IL1RAPL2: variants seen among roughly 807,000 people sequenced by gnomAD.
IL1RAPL2 encodes the protein X-linked interleukin-1 receptor accessory protein-like 2.
In IL1RAPL2, 3 loss-of-function variants were observed where a neutral mutation model predicts 44.1. That is an observed-to-expected ratio of 0.07 (90% CI 0.03 to 0.18). The LOEUF is 0.18. Ranked by LOEUF, IL1RAPL2 falls within the 10% of genes least tolerant of loss-of-function variation. The probability of loss-of-function intolerance (pLI) is 1.00; values close to 1 mark genes in which losing one functional copy is unlikely to be tolerated. For synonymous variants in IL1RAPL2, 181 were observed against 178.8 expected (o/e 1.01, Z -0.10); for missense variants, 391 against 496.4 (o/e 0.79, Z 2.02).
At chrX:105,684,178 G>A (rs2037948894) in intron 6 of IL1RAPL2, among the ~76,000 whole-genome samples, 1 of 112,220 alleles carries the variant, frequency 8.9e-6, no homozygotes, top group African/African-American at 3.2e-5. Flanking sequence ...CATTGGGACT[G>A]GTTGGACAGT....
intron 2 of IL1RAPL2, among the ~76,000 whole-genome samples, chrX:104,675,327 T>C (rs868519452): frequency 1.3e-4 from 15 of 111,819 alleles, no homozygotes; most frequent in African/African-American, 4.6e-4. Context: ...TCAAAGAACA[T>C]CTTTATTTCT....
chrX:105,447,326 TATATAAAA>T (rs2035971609), intron 5 of IL1RAPL2, among the ~76,000 whole-genome samples: 5 of 64,067 alleles, frequency 7.8e-5, no homozygotes, highest in Non-Finnish European at 1.3e-4. Context: ...TATATAAATA[TATATAAAA>T]ATATAAATAT....
At chrX:104,608,956 T>A (rs1025966878) in intron 1 of IL1RAPL2, among the ~76,000 whole-genome samples, 5 of 111,797 alleles carry the variant, frequency 4.5e-5, no homozygotes, top group Non-Finnish European at 9.4e-5. Context: ...TCTATGGTCT[T>A]TACAATTTGG....
At chrX:104,698,721 T>G (rs1219269762) in intron 2 of IL1RAPL2, among the ~76,000 whole-genome samples, 1 of 111,942 alleles carries the variant, frequency 8.9e-6, no homozygotes, top group Non-Finnish European at 1.9e-5. Flanking sequence ...GGTAGGCCTT[T>G]TCTCTGAGAC....
chrX:104,677,966 G>A (rs749564485), intron 2 of IL1RAPL2, among the ~76,000 whole-genome samples: 6 of 112,315 alleles, frequency 5.3e-5, no homozygotes, highest in African/African-American at 1.6e-4. Flanking sequence ...CGCGCATGGT[G>A]CGCGCACCCA....
At chrX:104,717,736 T>A (rs1204541160) in intron 2 of IL1RAPL2, among the ~76,000 whole-genome samples, 1 of 109,649 alleles carries the variant, frequency 9.1e-6, no homozygotes, top group African/African-American at 3.3e-5. Context: ...GCGTTAGGTA[T>A]CTCTCCTAAT....
chrX:104,608,342 C>T (rs770442294), intron 1 of IL1RAPL2, among the ~76,000 whole-genome samples: 12 of 110,173 alleles, frequency 1.1e-4, no homozygotes, highest in Admixed American at 2.9e-4. Flanking sequence ...CAAAACTGCA[C>T]GTTGTGTCTG....
chrX:105,184,015 AG>A (rs1439300967), intron 2 of IL1RAPL2, among the ~76,000 whole-genome samples: 1 of 109,952 alleles, frequency 9.1e-6, no homozygotes, highest in African/African-American at 3.3e-5. Context: ...GCCAGGTTCC[AG>A]GAAGATTCAG....
chrX:105,693,785 G>C (rs2038055348), intron 6 of IL1RAPL2, among the ~76,000 whole-genome samples: 1 of 111,227 alleles, frequency 9.0e-6, no homozygotes, highest in African/African-American at 3.3e-5. Context: ...AGGTGAAAGA[G>C]TTGGAGAGAG....
chrX:105,437,572 T>A (rs959758662), intron 5 of IL1RAPL2, among the ~76,000 whole-genome samples: 5 of 111,572 alleles, frequency 4.5e-5, no homozygotes, highest in Non-Finnish European at 7.5e-5. Context: ...ATTGTATTTA[T>A]TTTTTTGCTA....
At chrX:104,726,987 A>T (rs5916821) in intron 2 of IL1RAPL2, among the ~76,000 whole-genome samples, 36,525 of 106,784 alleles carry the variant, frequency 0.34, 5,358 homozygotes, top group East Asian at 0.46. Flanking sequence ...CCTGAAAATT[A>T]AAAAAAAAAA....
At chrX:105,678,193 G>A (rs2037889758) in intron 6 of IL1RAPL2, among the ~76,000 whole-genome samples, 1 of 112,064 alleles carries the variant, frequency 8.9e-6, no homozygotes, top group African/African-American at 3.2e-5. Context: ...AGTAACACAT[G>A]AGCAATAAAC....
intron 4 of IL1RAPL2, among the ~76,000 whole-genome samples, chrX:105,254,528 C>A (rs1392681492): frequency 8.9e-6 from 1 of 111,807 alleles, no homozygotes; most frequent in Non-Finnish European, 1.9e-5. Flanking sequence ...TTGAAAGTTT[C>A]TTTTGCTATG....
intron 5 of IL1RAPL2, among the ~76,000 whole-genome samples, chrX:105,285,811 CT>C (rs1242136938): frequency 8.9e-6 from 1 of 111,915 alleles, no homozygotes; most frequent in Non-Finnish European, 1.9e-5. Context: ...TCAGAGAGTT[CT>C]GCTAATCTGG....
intron 2 of IL1RAPL2, among the ~76,000 whole-genome samples, chrX:104,770,094 A>T: frequency 9.0e-6 from 1 of 110,885 alleles, no homozygotes; most frequent in Non-Finnish European, 1.9e-5. Flanking sequence ...TGAAGCAAAA[A>T]AGGTGAATTA....
intron 2 of IL1RAPL2, among the ~76,000 whole-genome samples, chrX:104,679,605 G>C (rs1469203676): frequency 9.0e-6 from 1 of 111,683 alleles, no homozygotes; most frequent in Non-Finnish European, 1.9e-5. Context: ...CATATTCTCT[G>C]ACTTTTCATG....
At chrX:104,898,676 G>A (rs1923724830) in intron 2 of IL1RAPL2, among the ~76,000 whole-genome samples, 1 of 112,022 alleles carries the variant, frequency 8.9e-6, no homozygotes, top group Non-Finnish European at 1.9e-5. Flanking sequence ...ACTTAAAATA[G>A]CCATTTTTTC....
chrX:105,156,092 T>G, intron 2 of IL1RAPL2, among the ~76,000 whole-genome samples: 1 of 111,983 alleles, frequency 8.9e-6, no homozygotes, highest in Admixed American at 9.5e-5. Flanking sequence ...AACTAGCTTT[T>G]AATTTGAGGA....
chrX:105,165,073 GA>G lies in IL1RAPL2; in HGVS notation c.83-30400del, dbSNP rs1356362804. ...CTTCTCCTGTGTTGGCTCTTTCAGT[GA>G]AGGAAGGAAGTTACTTTAGATTATT... is the stretch of plus-strand genomic sequence containing the variant. On this transcript the variant is annotated intron_variant, in intron 2 of 10. Coordinates refer to ENST00000372582, the MANE Select transcript of IL1RAPL2 (RefSeq NM_017416.2). 2.7e-5 allele frequency among the ~76,000 whole-genome samples: 3 copies of G among 111,445 alleles called. No individual in the cohort carries two copies. The Admixed American group carries it at 2.9e-4, about 11-fold the overall frequency.
Sources: gnomAD v4.1 joint callset for allele counts (sites outside exome capture counted in the v4.1 genomes callset) on GRCh38, gnomAD v4.1.1 for gene constraint, MANE v1.5 for transcripts, NCBI Gene and HGNC (gene_info 2026-07-23, HGNC 2026-07-21) for gene names.